Variants in BRSK2 observed in about 807,000 individuals in gnomAD.
The protein encoded by BRSK2 is BR serine/threonine kinase 2, also known as serine/threonine-protein kinase BRSK2.
In BRSK2, 19 loss-of-function variants were observed where a neutral mutation model predicts 83.3. The observed-to-expected ratio is 0.23, with a 90% CI of 0.16 to 0.33. BRSK2 has a LOEUF of 0.33. Among genes scored for constraint, BRSK2 ranks in the 10% least tolerant of loss-of-function variants. BRSK2 has a pLI of 1.00. For missense variants in BRSK2, 798 were observed against 1,042.3 expected, an observed-to-expected ratio of 0.77 and a Z score of 3.23; for synonymous variants, 519 against 435.4, an observed-to-expected ratio of 1.19 and a Z score of -2.39.
At chr11:1,428,227 C>T (rs938321598) in intron 1 of BRSK2, among the ~76,000 whole-genome samples, 3 of 152,146 alleles carry the variant, frequency 2.0e-5, no homozygotes, top group African/African-American at 7.2e-5. Context: ...AGGCAGGAGG[C>T]TCTTGGTGGC....
At chr11:1,425,481 G>A (rs116366327) in intron 1 of BRSK2, among the ~76,000 whole-genome samples, 131 of 152,320 alleles carry the variant, frequency 8.6e-4, no homozygotes, top group African/African-American at 2.9e-3. Flanking sequence ...TGACAGCGAC[G>A]GGGCAGGTTG....
rs149080693 is a variant in BRSK2, at chr11:1,416,935, C to T, written c.92-19105C>T. Among the ~76,000 whole-genome samples the T allele has an allele frequency of 9.1e-3, 1,382 of 152,174 alleles. 14 individuals carry two copies. The highest frequency in any genetic ancestry group is 0.023 in the African/African-American group (941 of 41,504). Reference sequence around the variant, plus strand: ...CAACACTTTGGGAGGTCAAGGAGGGCGGATCACGAGGTCAGGCGTTCGAGA... The same window carrying T: ...CAACACTTTGGGAGGTCAAGGAGGGTGGATCACGAGGTCAGGCGTTCGAGA... On this transcript the variant is annotated intron_variant, in intron 1 of 19. Coordinates refer to ENST00000528841, the MANE Select transcript of BRSK2 (RefSeq NM_001256627.2).
chr11:1,407,614 T>C (rs1038502972), intron 1 of BRSK2, among the ~76,000 whole-genome samples: 3 of 152,224 alleles, frequency 2.0e-5, no homozygotes, highest in Admixed American at 6.5e-5. Flanking sequence ...CTAGACCCTC[T>C]AGGGGCCTCG....
intron 1 of BRSK2, among the ~76,000 whole-genome samples, chr11:1,396,114 G>A (rs979456525): frequency 6.6e-6 from 1 of 152,196 alleles, no homozygotes. Context: ...TGCTCTGAGG[G>A]TGGCTGGGAG....
intron 1 of BRSK2, among the ~76,000 whole-genome samples, chr11:1,426,241 C>T (rs542458996): frequency 0.042 from 3,190 of 75,786 alleles, 59 homozygotes; most frequent in Non-Finnish European, 0.051. Flanking sequence ...GGGCGTGCTC[C>T]GGGGATGTGT....
intron 3 of BRSK2, 87 bp from the exon 4 acceptor site, chr11:1,440,701 G>A: frequency 6.7e-7 from 1 of 1,482,906 alleles, no homozygotes; most frequent in Non-Finnish European, 9.0e-7. Context: ...GAGAGGCTGG[G>A]CCAGGAGGCG....
chr11:1,395,569 G>A (rs2134018298), intron 1 of BRSK2, among the ~76,000 whole-genome samples: 1 of 152,332 alleles, frequency 6.6e-6, no homozygotes, highest in African/African-American at 2.4e-5. Context: ...GAGGGTCGTT[G>A]GAGGCGGGAG....
chr11:1,456,318 A>C (rs1159100460), intron 16 of BRSK2, 30 bp from the exon 17 acceptor site: 21 of 1,523,426 alleles, frequency 1.4e-5, no homozygotes, highest in Non-Finnish European at 1.9e-5. Flanking sequence ...CTGCCAGGCC[A>C]GCCACGCTCA....
In BRSK2 at chr11:1,390,415, G is replaced by A. The variant is rs753284349; in HGVS notation, c.91+40G>A. 1.4e-5 allele frequency: 14 copies of A among 992,328 alleles called. No homozygotes were observed. Among genetic ancestry groups the A allele is most frequent in the East Asian group, 2.1e-4 (2 of 9,540 alleles). 61.5% of individuals were successfully genotyped at this position (992,328 alleles called of 1,614,324 possible). ...GGCGGGGACCGGGGCCGGGGAGGCC[G>A]CGCTGGCAGCGCGCTGGGTGGGGGG... On this transcript the variant is annotated intron_variant, in intron 1 of 19. Coordinates refer to ENST00000528841, the MANE Select transcript of BRSK2 (RefSeq NM_001256627.2). This position sits in a 1 kb window ranked among gnomAD's most constrained non-coding sequence, Gnocchi z 6.8.
At chr11:1,455,068 C>T (rs1846318234) in intron 16 of BRSK2, among the ~76,000 whole-genome samples, 1 of 152,160 alleles carries the variant, frequency 6.6e-6, no homozygotes, top group Admixed American at 6.5e-5. Context: ...CCTGGTCTCA[C>T]CCTGCCCTCG....
intron 12 of BRSK2, among the ~76,000 whole-genome samples, chr11:1,448,313 C>T (rs2133162010): frequency 6.6e-6 from 1 of 152,278 alleles, no homozygotes; most frequent in South Asian, 2.1e-4. Context: ...TTTTGCGAGC[C>T]TGGGCGGGTG....
At chr11:1,410,514 C>T (rs950223920) in intron 1 of BRSK2, 13 of 985,328 alleles carry the variant, frequency 1.3e-5, no homozygotes, top group Non-Finnish European at 1.4e-5. Context: ...CCGCAGACTT[C>T]GGTGCTTCAA....
chr11:1,396,601 T>C (rs981995352), intron 1 of BRSK2, among the ~76,000 whole-genome samples: 2 of 152,186 alleles, frequency 1.3e-5, no homozygotes, highest in African/African-American at 4.8e-5. Context: ...GGAGGAGCCG[T>C]CGGGAAGGCC....
At chr11:1,415,206 T>A (rs1847972035) in intron 1 of BRSK2, among the ~76,000 whole-genome samples, 1 of 151,710 alleles carries the variant, frequency 6.6e-6, no homozygotes, top group Admixed American at 6.6e-5. Flanking sequence ...ACCATTCTCT[T>A]GCCTCAGCCT....
At chr11:1,437,352 G>A (rs1850456192) in intron 2 of BRSK2, among the ~76,000 whole-genome samples, 1 of 152,172 alleles carries the variant, frequency 6.6e-6, no homozygotes, top group Non-Finnish European at 1.5e-5. Flanking sequence ...CCTGGTCCAC[G>A]CTGGCTCCTG....
intron 1 of BRSK2, among the ~76,000 whole-genome samples, chr11:1,413,348 C>T (rs551005290): frequency 1.7e-4 from 26 of 152,216 alleles, no homozygotes; most frequent in Admixed American, 1.0e-3. Flanking sequence ...GCAGGGGCCA[C>T]GGGGAGACTC....
At chr11:1,459,081 T>G in intron 18 of BRSK2, 111 bp from the exon 19 acceptor site, 2 of 574,528 alleles carry the variant, frequency 3.5e-6, no homozygotes, top group Non-Finnish European at 5.1e-6. Context: ...TCTGGGGCCC[T>G]ACCCACTCCT....
intron 1 of BRSK2, among the ~76,000 whole-genome samples, chr11:1,405,072 G>C (rs112966546): frequency 7.8e-5 from 9 of 115,466 alleles, no homozygotes; most frequent in African/African-American, 2.4e-4. Flanking sequence ...TTGTAGGGGG[G>C]CTCTCTGAGG....
At position 1,462,605 on chromosome 11, in the gene BRSK2, GA is replaced by G. The variant is rs766902223; in HGVS notation, c.*1885del. On this transcript the variant is annotated 3_prime_UTR_variant, in exon 20 of 20. Transcript: ENST00000528841. ...CACGCGGACTCCAGCAGGCGCCACG[GA>G]AATGGGCAAGCCCCTGCAGTGTACC... 13 of 152,400 alleles carry G rather than the reference GA, an allele frequency of 8.5e-5. 1 individual carries two copies. The East Asian group carries it at 2.5e-3, about 29-fold the overall frequency. 9.4% of individuals were successfully genotyped at this position (152,400 alleles called of 1,614,324 possible).
Sources: allele counts gnomAD v4.1 joint callset (sites outside exome capture counted in the v4.1 genomes callset), GRCh38; gene constraint gnomAD v4.1.1; non-coding constraint Gnocchi (gnomAD v3.1); transcripts MANE v1.5; gene names NCBI Gene and HGNC (gene_info 2026-07-23, HGNC 2026-07-21).